SMAD9: variants seen among roughly 807,000 people sequenced by gnomAD.
The protein encoded by SMAD9 is SMAD family member 9, also known as MAD homolog 9.
In SMAD9, 36 loss-of-function variants were observed where a neutral mutation model predicts 46.1. The ratio of observed to expected loss-of-function variants is 0.78; its 90% CI spans 0.60 to 1.03. The LOEUF is 1.03. SMAD9 is among the 50% of genes least tolerant of loss of function. The pLI, the probability that SMAD9 is intolerant of heterozygous loss-of-function variation, is 0.00. For synonymous variants in SMAD9, 245 were observed against 237.1 expected (o/e 1.03, Z -0.31); for missense variants, 572 against 599.8 (o/e 0.95, Z 0.48).
Position 36,903,678 on chromosome 13 carries a change from A to G in SMAD9, c.-187+16438T>C, listed in dbSNP as rs537183473. Among the ~76,000 whole-genome samples, 3 of 152,348 alleles carry G rather than the reference A, an allele frequency of 2.0e-5. No homozygotes were observed. In the South Asian group the frequency reaches 6.2e-4, roughly 32 times the overall value. ...GTCTCCAAAACTTTTAGTGTATACA[A>G]GTAATTCTTCTAGATAAGTTAATTT... On this transcript the variant is annotated intron_variant, in intron 1 of 6. Coordinates refer to ENST00000379826, the MANE Select transcript of SMAD9 (RefSeq NM_001127217.3).
intron 2 of SMAD9, among the ~76,000 whole-genome samples, chr13:36,877,419 CA>C (rs561528789): frequency 8.9e-4 from 136 of 152,162 alleles, no homozygotes; most frequent in African/African-American, 3.1e-3. Context: ...TTTGAATATT[CA>C]AAAGGAAAAC....
rs60358673 is a variant in SMAD9 at position 36,905,774 on chromosome 13, C to CAAAAAAAAAAAA, written c.-187+14330_-187+14341dup. Among the ~76,000 whole-genome samples, 16 of 66,462 alleles carry CAAAAAAAAAAAA rather than the reference C, an allele frequency of 2.4e-4. 1 individual carries two copies. The highest frequency in any genetic ancestry group is 4.5e-4 in the Admixed American group (2 of 4,448). 43.6% of individuals were successfully genotyped at this position (66,462 alleles called of 152,430 possible). ...TAGATAAAAGGGCAAGACCCTGTCT[C>CAAAAAAAAAAAA]AAAAAAAAAAAAAAAAAAAAAAAAA... is the stretch of plus-strand genomic sequence containing the variant. On this transcript the variant is annotated intron_variant, in intron 1 of 6. Coordinates refer to ENST00000379826, the MANE Select transcript of SMAD9 (RefSeq NM_001127217.3).
chr13:36,857,039 G>C lies in SMAD9; in HGVS notation c.1004-3364C>G, dbSNP rs140687374. ...GGCTGGTCTCGAACTCCTGACCTCA[G>C]GTGATCCACCTGCCTCGGCCTCCCA... On this transcript the variant is annotated intron_variant, in intron 5 of 6. Transcript: ENST00000379826. Among the ~76,000 whole-genome samples the C allele has an allele frequency of 3.3e-3, 509 of 152,036 alleles. 2 individuals are homozygous for C. The highest frequency in any genetic ancestry group is 0.012 in the African/African-American group (486 of 41,486).
In SMAD9 at chr13:36,853,558, C is replaced by A; in HGVS notation, c.1121G>T (p.Cys374Phe). Residue 374 changes from cysteine to phenylalanine, a missense_variant, in exon 6 of 7, where the codon TGC becomes TTC. Coordinates refer to ENST00000379826, the MANE Select transcript of SMAD9 (RefSeq NM_001127217.3). The stretch of plus-strand genomic sequence containing the variant: ...GAGGCTGCAGCCGCTGGGGATCTTG[C>A]AGACGGTAGCTGGGTGGAAGCCGTG... ...YQHGFHPATV[C>F]KIPSGCSLKV... The A allele has an allele frequency of 3.1e-6, 5 of 1,614,174 alleles. No individual in the cohort carries two copies. Among genetic ancestry groups the A allele is most frequent in the Non-Finnish European group, 4.2e-6 (5 of 1,180,040 alleles).
chr13:36,884,628 G>A (rs1275834035), intron 1 of SMAD9, among the ~76,000 whole-genome samples: 5 of 152,130 alleles, frequency 3.3e-5, no homozygotes, highest in Admixed American at 6.5e-5. Context: ...CAATTTACCC[G>A]GCTGGGTAAC....
chr13:36,853,841 G>C (rs1437425755), intron 5 of SMAD9, among the ~76,000 whole-genome samples, 166 bp from the exon 6 acceptor site: 4 of 152,134 alleles, frequency 2.6e-5, no homozygotes, highest in Non-Finnish European at 5.9e-5. Context: ...ATGATAATCT[G>C]TGCTTTTTCC....
intron 5 of SMAD9, among the ~76,000 whole-genome samples, chr13:36,864,802 G>A (rs774606972): frequency 2.0e-5 from 3 of 152,190 alleles, no homozygotes; most frequent in African/African-American, 7.2e-5. Context: ...CTCCCTTCCC[G>A]AGGTGGCTTA....
chr13:36,900,742 T>C (rs892263680), intron 1 of SMAD9, among the ~76,000 whole-genome samples: 9 of 151,122 alleles, frequency 6.0e-5, no homozygotes, highest in Non-Finnish European at 1.2e-4. Flanking sequence ...TGTAAATTAT[T>C]TTACTTATTT....
At chr13:36,897,203 C>T (rs1326920185) in intron 1 of SMAD9, among the ~76,000 whole-genome samples, 6 of 152,184 alleles carry the variant, frequency 3.9e-5, no homozygotes, top group African/African-American at 1.4e-4. Flanking sequence ...TAAATCTCAT[C>T]TGACCATCAC....
chr13:36,854,710 C>G (rs1328978045), intron 5 of SMAD9, among the ~76,000 whole-genome samples: 4 of 152,156 alleles, frequency 2.6e-5, no homozygotes, highest in Admixed American at 6.6e-5. Context: ...CAGTTAATAT[C>G]ATGAAAATGT....
intron 1 of SMAD9, among the ~76,000 whole-genome samples, chr13:36,885,275 A>G (rs1279640771): frequency 1.3e-5 from 2 of 152,200 alleles, no homozygotes; most frequent in Non-Finnish European, 2.9e-5. Flanking sequence ...GTATAAAACT[A>G]TGTCCAAAAG....
intron 1 of SMAD9, among the ~76,000 whole-genome samples, chr13:36,911,849 C>T (rs1165096588): frequency 1.3e-5 from 2 of 152,182 alleles, no homozygotes; most frequent in Admixed American, 1.3e-4. Flanking sequence ...GCTGGGATTA[C>T]AGGCATGTGC....
intron 1 of SMAD9, among the ~76,000 whole-genome samples, chr13:36,904,012 C>T (rs1353125015): frequency 2.0e-5 from 3 of 151,974 alleles, no homozygotes; most frequent in African/African-American, 7.3e-5. Context: ...AAAGAGCACC[C>T]TACTGTTAAT....
chr13:36,874,701 C>CA (rs1166745354), intron 2 of SMAD9, among the ~76,000 whole-genome samples: 5 of 151,150 alleles, frequency 3.3e-5, no homozygotes, highest in Non-Finnish European at 7.4e-5. Context: ...ACTAAAAATA[C>CA]AAAAAATTAG....
chr13:36,878,919 T>A (rs1427659484), intron 2 of SMAD9, among the ~76,000 whole-genome samples: 1 of 152,198 alleles, frequency 6.6e-6, no homozygotes, highest in Non-Finnish European at 1.5e-5. Context: ...CACACAAAGC[T>A]TACCAGCATA....
In SMAD9 at chr13:36,848,010, G is replaced by C. The variant is rs2058047323; in HGVS notation, c.*666C>G. 6.6e-6 allele frequency: 1 copy of C among 152,206 alleles called. No homozygotes were observed. Among genetic ancestry groups the C allele is most frequent in the South Asian group, 2.1e-4 (1 of 4,828 alleles). 9.4% of individuals were successfully genotyped at this position (152,206 alleles called of 1,614,324 possible). On this transcript the variant is annotated 3_prime_UTR_variant, in exon 7 of 7. Coordinates refer to ENST00000379826, the MANE Select transcript of SMAD9 (RefSeq NM_001127217.3). Reference sequence around the variant, plus strand: ...TATTTATTTTCCCATATTAGACTCTGTTTTTACAGTGGTAGACTGAGGGAA... The same window carrying C: ...TATTTATTTTCCCATATTAGACTCTCTTTTTACAGTGGTAGACTGAGGGAA...
chr13:36,860,451 C>CTTT (rs1195704304), intron 5 of SMAD9, among the ~76,000 whole-genome samples: 1,700 of 135,652 alleles, frequency 0.013, 44 homozygotes, highest in African/African-American at 0.043. Flanking sequence ...ATTTTTTTAC[C>CTTT]TTTTTTTTTT....
chr13:36,848,561 T>C lies in SMAD9; in HGVS notation c.*115A>G, dbSNP rs2058050421. Reference sequence around the variant, plus strand: ...GTGATTAAAAAAAATAAGAACAGTATACATTCTATGTATTTACACATGTTT... The same window carrying C: ...GTGATTAAAAAAAATAAGAACAGTACACATTCTATGTATTTACACATGTTT... On this transcript the variant is annotated 3_prime_UTR_variant, in exon 7 of 7. Transcript: ENST00000379826. 3.0e-6 allele frequency: 3 copies of C among 1,005,658 alleles called. No individual in the cohort carries two copies. Among genetic ancestry groups the C allele is most frequent in the Non-Finnish European group, 4.8e-6 (3 of 628,488 alleles). The allele number at this position is 1,005,658 out of a possible 1,614,324, so 62.3% of individuals were successfully genotyped here.
intron 5 of SMAD9, among the ~76,000 whole-genome samples, chr13:36,855,333 A>T (rs1400910117): frequency 6.6e-6 from 1 of 150,902 alleles, no homozygotes; most frequent in Non-Finnish European, 1.5e-5. Flanking sequence ...ATTAAATTTT[A>T]GTTGATCCTT....
Sources: allele counts gnomAD v4.1 joint callset (sites outside exome capture counted in the v4.1 genomes callset), GRCh38; gene constraint gnomAD v4.1.1; transcripts MANE v1.5; gene names NCBI Gene and HGNC (gene_info 2026-07-23, HGNC 2026-07-21).